PSMD11: variants seen among roughly 807,000 people sequenced by gnomAD.
PSMD11 encodes the protein proteasome 26S subunit, non-ATPase 11.
A neutral mutation model predicts 62.3 loss-of-function variants in PSMD11; 5 were observed. That is an observed-to-expected ratio of 0.08 (90% CI 0.04 to 0.17). The LOEUF is 0.17. Among genes scored for constraint, PSMD11 ranks in the 10% least tolerant of loss-of-function variants. The pLI is 1.00. For synonymous variants in PSMD11, 191 were observed against 191.8 expected, an observed-to-expected ratio of 1.00 and a Z score of 0.03; for missense variants, 310 against 512.9, an observed-to-expected ratio of 0.60 and a Z score of 3.82.
intron 9 of PSMD11, among the ~76,000 whole-genome samples, chr17:32,478,840 C>T (rs1908405043): frequency 6.6e-6 from 1 of 152,142 alleles, no homozygotes; most frequent in South Asian, 2.1e-4. Context: ...GAGCTGTTCA[C>T]CTGAAGCCTG....
intron 6 of PSMD11, among the ~76,000 whole-genome samples, chr17:32,469,849 G>C (rs1343159485): frequency 6.6e-6 from 1 of 152,064 alleles, no homozygotes; most frequent in Non-Finnish European, 1.5e-5. Context: ...CTAGGATCAG[G>C]CTTTCCTAGG....
chr17:32,474,164 T>G, intron 7 of PSMD11: 1 of 573,864 alleles, frequency 1.7e-6, no homozygotes, highest in South Asian at 2.1e-5. Context: ...AGAAATCCCC[T>G]TCCCAGCTCC....
At chr17:32,446,073 TAG>T (rs1283260460) in intron 1 of PSMD11, 3 of 152,202 alleles carry the variant, frequency 2.0e-5, no homozygotes, top group Non-Finnish European at 2.9e-5. Context: ...ATATTACAAT[TAG>T]AGTATTTCCT....
intron 3 of PSMD11, among the ~76,000 whole-genome samples, chr17:32,461,226 C>T (rs1224507293): frequency 6.6e-6 from 1 of 151,840 alleles, no homozygotes; most frequent in African/African-American, 2.4e-5. Context: ...TACAGGTGCA[C>T]ACCACCACAC....
At chr17:32,467,485 A>C (rs1438062235) in intron 5 of PSMD11, among the ~76,000 whole-genome samples, 1 of 151,940 alleles carries the variant, frequency 6.6e-6, no homozygotes, top group Non-Finnish European at 1.5e-5. Context: ...ACCTCAGGTG[A>C]TGTGCCCGCC....
At chr17:32,470,755 C>A (rs947083269) in intron 6 of PSMD11, among the ~76,000 whole-genome samples, 9 of 152,180 alleles carry the variant, frequency 5.9e-5, no homozygotes, top group African/African-American at 2.2e-4. Context: ...TATTCTCTCT[C>A]TATACTGGGA....
intron 5 of PSMD11, among the ~76,000 whole-genome samples, chr17:32,467,636 C>CGG (rs2150836019): frequency 6.6e-6 from 1 of 152,260 alleles, no homozygotes; most frequent in East Asian, 1.9e-4. Context: ...GAAACAGGGT[C>CGG]TCACTCTGTC....
chr17:32,474,171 C>T (rs1908253596), intron 7 of PSMD11: 1 of 567,742 alleles, frequency 1.8e-6, no homozygotes, highest in Non-Finnish European at 3.1e-6. Context: ...CCCTTCCCAG[C>T]TCCTCTTGGA....
At chr17:32,464,177 G>T in intron 4 of PSMD11, 57 bp downstream of exon 4, 1 of 1,456,892 alleles carries the variant, frequency 6.9e-7, no homozygotes, top group Non-Finnish European at 9.6e-7. Context: ...GAGGGTGAAT[G>T]TAAGCAGTAC....
chr17:32,471,510 A>T (rs1908160485), intron 6 of PSMD11, among the ~76,000 whole-genome samples: 1 of 152,248 alleles, frequency 6.6e-6, no homozygotes, highest in African/African-American at 2.4e-5. Flanking sequence ...ATGCCCCATG[A>T]CAGTTGCATA....
At chr17:32,480,016 A>G (rs1908442601) in intron 11 of PSMD11, 130 bp downstream of exon 11, 1 of 1,474,760 alleles carries the variant, frequency 6.8e-7, no homozygotes, top group Non-Finnish European at 9.5e-7. Flanking sequence ...TGTGGACTAG[A>G]GTAGGAGTTG....
chr17:32,480,069 C>T (rs1474760370), intron 11 of PSMD11, 77 bp from the exon 12 acceptor site: 2 of 1,551,618 alleles, frequency 1.3e-6, no homozygotes, highest in African/African-American at 2.7e-5. Context: ...CCTAAGACCC[C>T]TCCAACAAAG....
At chr17:32,477,420 T>C in intron 8 of PSMD11, 101 bp from the exon 9 acceptor site, 1 of 998,624 alleles carries the variant, frequency 1.0e-6, no homozygotes, top group South Asian at 2.5e-5. Flanking sequence ...GGTTCTTCCT[T>C]TTGGCAGAAG....
intron 1 of PSMD11, 63 bp downstream of exon 1, chr17:32,444,677 G>C: frequency 6.3e-7 from 1 of 1,589,058 alleles, no homozygotes; most frequent in Non-Finnish European, 8.6e-7. Context: ...TCGGTCGGCG[G>C]CAGCGGAGAG....
At chr17:32,478,860 A>G (rs1007870071) in intron 9 of PSMD11, among the ~76,000 whole-genome samples, 12 of 152,078 alleles carry the variant, frequency 7.9e-5, no homozygotes, top group East Asian at 3.8e-4. Flanking sequence ...GCAGACAGAA[A>G]GATGGTCCCT....
rs577169659 is a variant in PSMD11, at chr17:32,467,466, G to A, written c.449-1533G>A. 2.8e-5 allele frequency among the ~76,000 whole-genome samples: 4 copies of A among 144,764 alleles called. No individual in the cohort carries two copies. In the East Asian group the frequency reaches 6.3e-4, roughly 23 times the overall value. The allele number at this position is 144,764 out of a possible 152,430, so 95.0% of individuals were successfully genotyped here. On this transcript the variant is annotated intron_variant, in intron 5 of 13. Transcript: ENST00000261712. ...TCACCATGTTAGCCAGGCTGGTGTC[G>A]AACTCCTAACCTCAGGTGATGTGCC... is the stretch of plus-strand genomic sequence containing the variant.
chr17:32,469,284 A>C (rs1400092526), intron 6 of PSMD11, 91 bp downstream of exon 6: 6 of 1,365,350 alleles, frequency 4.4e-6, no homozygotes, highest in Admixed American at 2.5e-5. Flanking sequence ...TGGAGAATAA[A>C]ATTGGCTGAT....
In PSMD11 at chr17:32,444,553, G is replaced by A. The variant is rs1340399077; in HGVS notation, c.30G>A (p.Gln10=). 2 of 1,610,760 alleles carry A rather than the reference G, an allele frequency of 1.2e-6. No homozygotes were observed. The highest frequency in any genetic ancestry group is 3.3e-5 in the Admixed American group (2 of 59,806). The change falls in exon 1 of 14, where the codon CAG becomes CAA. Residue 10 remains glutamine (Q), a synonymous_variant. Transcript: ENST00000261712. MAAAAVVEF[Q]RAQSLLSTDR... ...CGGCGGCGGCGGTGGTGGAGTTCCA[G>A]AGAGCCCAGTCTCTACTCAGCACCG...
chr17:32,463,021 AAAC>A (rs1197175687), intron 3 of PSMD11, among the ~76,000 whole-genome samples: 1 of 152,232 alleles, frequency 6.6e-6, no homozygotes, highest in Non-Finnish European at 1.5e-5. Flanking sequence ...ATTTATATAA[AAAC>A]CTGTTGTATT....
Sources: allele counts gnomAD v4.1 joint callset (sites outside exome capture counted in the v4.1 genomes callset), GRCh38; gene constraint gnomAD v4.1.1; transcripts MANE v1.5; gene names NCBI Gene and HGNC (gene_info 2026-07-23, HGNC 2026-07-21).